Variants in LRRTM4 observed in about 807,000 individuals in gnomAD.
LRRTM4 encodes leucine-rich repeat transmembrane neuronal protein 4.
A neutral mutation model predicts 47.6 loss-of-function variants in LRRTM4; 25 were observed. That is an observed-to-expected ratio of 0.53 (90% CI 0.38 to 0.73). LRRTM4 has a LOEUF of 0.73. LRRTM4 is among the 30% of genes least tolerant of loss of function. The pLI is 0.00. For synonymous variants in LRRTM4, 311 were observed against 269.5 expected (o/e 1.15, Z -1.51); for missense variants, 638 against 713.4 (o/e 0.89, Z 1.20).
At chr2:76,816,973 T>C (rs865883233) in intron 3 of LRRTM4, among the ~76,000 whole-genome samples, 1 of 151,766 alleles carries the variant, frequency 6.6e-6, no homozygotes, top group Non-Finnish European at 1.5e-5. Context: ...GAGTCAAAGA[T>C]ACAGTCCTGT....
At chr2:76,935,994 G>A (rs1318819042) in intron 3 of LRRTM4, among the ~76,000 whole-genome samples, 3 of 152,144 alleles carry the variant, frequency 2.0e-5, no homozygotes, top group African/African-American at 4.8e-5. Flanking sequence ...GTTGGTGGAA[G>A]TGTAAATTAG....
intron 3 of LRRTM4, among the ~76,000 whole-genome samples, chr2:76,780,763 A>G (rs1376919376): frequency 6.6e-6 from 1 of 152,228 alleles, no homozygotes; most frequent in East Asian, 1.9e-4. Context: ...TCAGCTTGTC[A>G]AAGTCATTCT....
intron 3 of LRRTM4, among the ~76,000 whole-genome samples, chr2:76,832,139 T>A (rs2103898301): frequency 6.6e-6 from 1 of 152,248 alleles, no homozygotes; most frequent in East Asian, 1.9e-4. Context: ...AACAAATTAG[T>A]TTTGATACTT....
intron 3 of LRRTM4, among the ~76,000 whole-genome samples, chr2:76,897,960 GA>G (rs1364026730): frequency 6.6e-6 from 1 of 152,116 alleles, no homozygotes; most frequent in African/African-American, 2.4e-5. Flanking sequence ...CGCTTTACAT[GA>G]AAAATAATTT....
chr2:77,448,605 G>A (rs1208284875), intron 3 of LRRTM4, among the ~76,000 whole-genome samples: 1 of 151,618 alleles, frequency 6.6e-6, no homozygotes, highest in African/African-American at 2.4e-5. Context: ...TATTCTTACT[G>A]CCTTCCTTCT....
intron 3 of LRRTM4, among the ~76,000 whole-genome samples, chr2:77,225,606 GTTAA>G (rs1351752704): frequency 2.0e-5 from 3 of 152,056 alleles, no homozygotes; most frequent in Non-Finnish European, 2.9e-5. Context: ...CTCGACTAAT[GTTAA>G]TTGAGTTAAT....
chr2:77,153,020 G>C (rs765751892), intron 3 of LRRTM4, among the ~76,000 whole-genome samples: 1 of 151,972 alleles, frequency 6.6e-6, no homozygotes, highest in African/African-American at 2.4e-5. Context: ...CTGTGCAATA[G>C]AACTCTAAAA....
chr2:77,477,957 AAGAAAGAAAG>A (rs1280611666), intron 3 of LRRTM4, among the ~76,000 whole-genome samples: 3 of 136,782 alleles, frequency 2.2e-5, no homozygotes, highest in East Asian at 4.0e-4. Context: ...GAAAGAAAGA[AAGAAAGAAAG>A]AAAAAGAAAA....
At chr2:77,061,714 A>G (rs981184019) in intron 3 of LRRTM4, among the ~76,000 whole-genome samples, 1 of 152,166 alleles carries the variant, frequency 6.6e-6, no homozygotes, top group African/African-American at 2.4e-5. Context: ...CTCCATATTG[A>G]AAGACCTACC....
At chr2:77,076,584 G>A (rs1416769772) in intron 3 of LRRTM4, among the ~76,000 whole-genome samples, 1 of 152,090 alleles carries the variant, frequency 6.6e-6, no homozygotes, top group Non-Finnish European at 1.5e-5. Context: ...TGTTTCTTCG[G>A]GGAATAGTAT....
At chr2:76,829,383 A>G (rs1376214934) in intron 3 of LRRTM4, among the ~76,000 whole-genome samples, 4 of 151,920 alleles carry the variant, frequency 2.6e-5, no homozygotes, top group Non-Finnish European at 5.9e-5. Context: ...CCACAAATAC[A>G]AAGGGCTCCC....
chr2:77,276,682 T>G (rs1423067353), intron 3 of LRRTM4, among the ~76,000 whole-genome samples: 1 of 70,686 alleles, frequency 1.4e-5, no homozygotes. Flanking sequence ...TAAATTTGTG[T>G]ACGCATATAT....
At chr2:77,370,348 A>G in intron 3 of LRRTM4, among the ~76,000 whole-genome samples, 1 of 151,788 alleles carries the variant, frequency 6.6e-6, no homozygotes, top group East Asian at 1.9e-4. Context: ...TAGAGAGCCC[A>G]CTAACTTACC....
chr2:77,506,952 G>T (rs1234164756), intron 3 of LRRTM4, among the ~76,000 whole-genome samples: 2 of 151,956 alleles, frequency 1.3e-5, no homozygotes, highest in South Asian at 2.1e-4. Context: ...TTTCTAATAT[G>T]AAATTAATTT....
chr2:77,056,439 A>G (rs1260997218), intron 3 of LRRTM4, among the ~76,000 whole-genome samples: 1 of 152,212 alleles, frequency 6.6e-6, no homozygotes, highest in Admixed American at 6.5e-5. Context: ...TAAGATCAAC[A>G]TATATCTAAA....
chr2:77,315,382 TATATAACTC>T (rs1677590300), intron 3 of LRRTM4, among the ~76,000 whole-genome samples: 1 of 152,170 alleles, frequency 6.6e-6, no homozygotes, highest in African/African-American at 2.4e-5. Context: ...CATACATTTA[TATATAACTC>T]ATATAACATA....
intron 3 of LRRTM4, among the ~76,000 whole-genome samples, chr2:77,441,409 G>C: frequency 6.6e-6 from 1 of 152,118 alleles, no homozygotes; most frequent in East Asian, 1.9e-4. Context: ...AGCACTTTAA[G>C]TATATTTCCT....
intron 3 of LRRTM4, among the ~76,000 whole-genome samples, chr2:77,353,405 C>T (rs13026667): frequency 0.92 from 140,150 of 152,236 alleles, 64,858 homozygotes; most frequent in Non-Finnish European, 0.96. Context: ...TTGTAAATTC[C>T]TCAATGACAT....
chr2:77,296,124 A>T (rs907861623), intron 3 of LRRTM4, among the ~76,000 whole-genome samples: 9 of 152,202 alleles, frequency 5.9e-5, no homozygotes, highest in Non-Finnish European at 2.9e-5. Context: ...ATATTTCTTA[A>T]GCCTTTAAAC....
Sources: gnomAD v4.1 joint callset for allele counts (sites outside exome capture counted in the v4.1 genomes callset) on GRCh38, gnomAD v4.1.1 for gene constraint, MANE v1.5 for transcripts, NCBI Gene and HGNC (gene_info 2026-07-23, HGNC 2026-07-21) for gene names.